Variants in DNAAF9 observed in about 807,000 individuals in gnomAD.
DNAAF9 encodes the protein shulin.
In DNAAF9, 90 loss-of-function variants were observed where a neutral mutation model predicts 167.0. The ratio of observed to expected loss-of-function variants is 0.54; its 90% CI spans 0.45 to 0.64. The LOEUF (loss-of-function observed/expected upper bound fraction) is 0.64, where lower values mean the gene tolerates loss of function less well. Among genes scored for constraint, DNAAF9 ranks in the 30% least tolerant of loss-of-function variants. DNAAF9 has a pLI of 0.00. For synonymous variants in DNAAF9, 491 were observed against 508.8 expected (o/e 0.96, Z 0.47); for missense variants, 1,315 against 1,442.2 (o/e 0.91, Z 1.43).
intron 1 of DNAAF9, among the ~76,000 whole-genome samples, chr20:3,390,483 A>G (rs1425264293): frequency 6.6e-6 from 1 of 150,998 alleles, no homozygotes; most frequent in Admixed American, 6.6e-5. Context: ...TTCCTGCCTC[A>G]GCCTCCCTGT....
At chr20:3,329,734 G>A (rs2069785704) in intron 12 of DNAAF9, among the ~76,000 whole-genome samples, 1 of 152,106 alleles carries the variant, frequency 6.6e-6, no homozygotes, top group Non-Finnish European at 1.5e-5. Flanking sequence ...ACCCCACCAA[G>A]TTAAGCTGCA....
intron 28 of DNAAF9, 128 bp downstream of exon 28, chr20:3,281,513 C>T: frequency 1.2e-6 from 1 of 807,816 alleles, no homozygotes; most frequent in Non-Finnish European, 1.9e-6. Flanking sequence ...TATTGAGGAC[C>T]TAGCACTAAT....
At chr20:3,337,081 A>G (rs535064034) in intron 10 of DNAAF9, among the ~76,000 whole-genome samples, 65 of 151,222 alleles carry the variant, frequency 4.3e-4, no homozygotes, top group African/African-American at 1.6e-3. Context: ...GGGTTTCACC[A>G]TGTTAACCAG....
chr20:3,365,628 G>A (rs2083423758), intron 6 of DNAAF9, among the ~76,000 whole-genome samples: 1 of 152,154 alleles, frequency 6.6e-6, no homozygotes, highest in Non-Finnish European at 1.5e-5. Flanking sequence ...CTGACCTCAG[G>A]TGATCCGCCC....
At chr20:3,258,742 C>T (rs987082917) in intron 33 of DNAAF9, among the ~76,000 whole-genome samples, 5 of 152,038 alleles carry the variant, frequency 3.3e-5, no homozygotes, top group Non-Finnish European at 5.9e-5. Flanking sequence ...GCTGCTTGAG[C>T]GCCTCACTTG....
intron 8 of DNAAF9, among the ~76,000 whole-genome samples, chr20:3,345,658 C>T (rs913162799): frequency 2.6e-5 from 4 of 152,066 alleles, no homozygotes; most frequent in African/African-American, 7.2e-5. Flanking sequence ...ACAGCCTTTC[C>T]CTATATAATG....
chr20:3,327,993 A>G lies in DNAAF9; in HGVS notation c.1101-1709T>C, dbSNP rs544345730. Among the ~76,000 whole-genome samples, 13 of 152,290 alleles carry G rather than the reference A, an allele frequency of 8.5e-5. No individual in the cohort carries two copies. The South Asian group carries it at 2.5e-3, about 29-fold the overall frequency. The stretch of plus-strand genomic sequence containing the variant: ...CTCTACACTTTGACACTAAGGGTGC[A>G]TTTAAAGATGCCAAACCCAAAGACA... On this transcript the variant is annotated intron_variant, in intron 12 of 36. Transcript: ENST00000252032.
At chr20:3,316,627 C>T (rs1179217914) in intron 18 of DNAAF9, 96 bp downstream of exon 18, 28 of 800,228 alleles carry the variant, frequency 3.5e-5, no homozygotes, top group Non-Finnish European at 5.4e-5. Context: ...CAGGACCTGA[C>T]ATCCCACCAG....
In DNAAF9 at chr20:3,293,274, C is replaced by CA. The variant is rs1191948765; in HGVS notation, c.2238+864dup. On this transcript the variant is annotated intron_variant, in intron 25 of 36. Transcript: ENST00000252032. ...CACCACTGCACTCTAGCCTGGGCAA[C>CA]AGAGGGAGACTCCGTCTCAAAAAAA... is the stretch of plus-strand genomic sequence containing the variant. Among the ~76,000 whole-genome samples, 153 of 103,450 alleles carry CA rather than the reference C, an allele frequency of 1.5e-3. 2 individuals are homozygous for CA. The highest frequency in any genetic ancestry group is 5.7e-3 in the African/African-American group (146 of 25,730). 67.9% of individuals were successfully genotyped at this position (103,450 alleles called of 152,430 possible). A position where few individuals can be genotyped will look rare whatever the true frequency, so the allele number is the denominator to read the frequency against.
At chr20:3,334,448 A>G (rs2069899313) in intron 10 of DNAAF9, among the ~76,000 whole-genome samples, 1 of 152,186 alleles carries the variant, frequency 6.6e-6, no homozygotes, top group African/African-American at 2.4e-5. Context: ...TTTTATCCCT[A>G]AATAGCATCC....
chr20:3,358,652 T>G (rs555356318), intron 7 of DNAAF9, among the ~76,000 whole-genome samples: 1 of 152,282 alleles, frequency 6.6e-6, no homozygotes, highest in African/African-American at 2.4e-5. Context: ...TGAAACTGTA[T>G]CTTTTCCTTA....
intron 20 of DNAAF9, chr20:3,307,257 T>C (rs559927920): frequency 2.0e-6 from 1 of 506,264 alleles, no homozygotes; most frequent in South Asian, 8.5e-5. Flanking sequence ...TTATGGGGCA[T>C]GAGCCAAGGC....
chr20:3,329,897 C>A (rs1197398976), intron 12 of DNAAF9, among the ~76,000 whole-genome samples: 3 of 152,098 alleles, frequency 2.0e-5, no homozygotes, highest in African/African-American at 7.2e-5. Context: ...CTAGGTAGAC[C>A]CTTTCTGAGG....
chr20:3,311,696 A>T (rs910805189), intron 20 of DNAAF9, among the ~76,000 whole-genome samples: 5 of 152,264 alleles, frequency 3.3e-5, no homozygotes, highest in Non-Finnish European at 2.9e-5. Context: ...GAGCAAAAAA[A>T]GCAGGTCTAC....
chr20:3,288,054 A>T (rs551149701), intron 26 of DNAAF9, among the ~76,000 whole-genome samples: 1 of 152,360 alleles, frequency 6.6e-6, no homozygotes, highest in South Asian at 2.1e-4. Flanking sequence ...GCACTTGACC[A>T]ACAGACATCA....
chr20:3,283,421 C>G (rs114589237), intron 27 of DNAAF9, among the ~76,000 whole-genome samples: 1 of 152,252 alleles, frequency 6.6e-6, no homozygotes, highest in Non-Finnish European at 1.5e-5. Flanking sequence ...CAGTAGAGAA[C>G]GGGGTTTACT....
intron 8 of DNAAF9, among the ~76,000 whole-genome samples, chr20:3,348,268 T>C (rs1405019811): frequency 6.6e-6 from 1 of 152,118 alleles, no homozygotes; most frequent in Admixed American, 6.6e-5. Flanking sequence ...GTCTATTAAC[T>C]GGTGCCCAGT....
At chr20:3,404,953 G>C (rs185094088) in intron 1 of DNAAF9, among the ~76,000 whole-genome samples, 1 of 152,280 alleles carries the variant, frequency 6.6e-6, no homozygotes, top group Admixed American at 6.5e-5. Context: ...AGCTAGCTCT[G>C]GGGCCTTGAC....
At chr20:3,295,920 T>G in intron 23 of DNAAF9, 1 of 1,544,034 alleles carries the variant, frequency 6.5e-7, no homozygotes, top group Non-Finnish European at 8.9e-7. Context: ...CTCAGTAAAC[T>G]CAGACATATT....
Sources: gnomAD v4.1 joint callset for allele counts (sites outside exome capture counted in the v4.1 genomes callset) on GRCh38, gnomAD v4.1.1 for gene constraint, MANE v1.5 for transcripts, NCBI Gene and HGNC (gene_info 2026-07-23, HGNC 2026-07-21) for gene names.